Variants in NEK1 observed in about 807,000 individuals in gnomAD.
NEK1 encodes NIMA related kinase 1, also known as serine/threonine-protein kinase Nek1.
NEK1 carries 137 observed loss-of-function variants against 182.1 expected under a neutral mutation model. The observed-to-expected ratio is 0.75, with a 90% CI of 0.65 to 0.87. The LOEUF (loss-of-function observed/expected upper bound fraction) is 0.87, where lower values mean the gene tolerates loss of function less well. NEK1 is among the 40% of genes least tolerant of loss of function. The pLI, the probability that NEK1 is intolerant of heterozygous loss-of-function variation, is 0.00. For synonymous variants in NEK1, 513 were observed against 492.2 expected, an observed-to-expected ratio of 1.04 and a Z score of -0.56; for missense variants, 1,391 against 1,494.4, an observed-to-expected ratio of 0.93 and a Z score of 1.14.
chr4:169,551,709 A>G (rs979229267), intron 18 of NEK1, among the ~76,000 whole-genome samples: 1 of 151,864 alleles, frequency 6.6e-6, no homozygotes, highest in Admixed American at 6.6e-5. Context: ...ATTTGGAATT[A>G]TTTTCTTTCC....
chr4:169,525,291 G>A (rs1442505831), intron 19 of NEK1, among the ~76,000 whole-genome samples: 1 of 151,974 alleles, frequency 6.6e-6, no homozygotes, highest in African/African-American at 2.4e-5. Context: ...ACCATGCCCA[G>A]CTAATTTTTT....
rs200710438 is a variant in NEK1, at chr4:169,401,668, G to A, written c.3567C>T (p.Asn1189=). 666 of 1,613,624 alleles carry A rather than the reference G, an allele frequency of 4.1e-4. No homozygotes were observed. Among genetic ancestry groups the A allele is most frequent in the Middle Eastern group, 6.6e-4 (4 of 6,062 alleles). Residue 1189 remains asparagine, a synonymous_variant, in exon 33 of 36, where the codon AAC becomes AAT. Transcript: ENST00000507142. ...DDNPSSESAL[N]EEWHSDNSDG... ...ATCATGCACCTGAGTGCCATTCTTCGTTCAGGGCACTTTCACTGCTGGGAT... is the reference window on the plus strand; with the variant it reads ...ATCATGCACCTGAGTGCCATTCTTCATTCAGGGCACTTTCACTGCTGGGAT...
intron 32 of NEK1, among the ~76,000 whole-genome samples, chr4:169,402,427 G>C (rs1731844259): frequency 6.6e-6 from 1 of 152,148 alleles, no homozygotes; most frequent in African/African-American, 2.4e-5. Flanking sequence ...ATGGTCACCA[G>C]AAATCTTATC....
rs151002989 is a variant in NEK1 at position 169,551,677 on chromosome 4, A to G, written c.1562+4043T>C. Among the ~76,000 whole-genome samples the G allele has an allele frequency of 5.0e-3, 757 of 152,294 alleles. 5 individuals are homozygous for G. The highest frequency in any genetic ancestry group is 0.018 in the African/African-American group (733 of 41,576). Reference sequence around the variant, plus strand: ...AAGAAAATTAACCAAAGTCTTCATCAGCAGTGACCACCACTATAGGGATTT... The same window carrying G: ...AAGAAAATTAACCAAAGTCTTCATCGGCAGTGACCACCACTATAGGGATTT... On this transcript the variant is annotated intron_variant, in intron 18 of 35. Transcript: ENST00000507142.
At chr4:169,450,279 C>A (rs1488854151) in intron 27 of NEK1, among the ~76,000 whole-genome samples, 1 of 152,150 alleles carries the variant, frequency 6.6e-6, no homozygotes, top group African/African-American at 2.4e-5. Flanking sequence ...AGGAGAACTT[C>A]CCCAACCTGG....
chr4:169,558,048 C>T (rs1040467505), intron 16 of NEK1, among the ~76,000 whole-genome samples: 1 of 152,122 alleles, frequency 6.6e-6, no homozygotes, highest in Non-Finnish European at 1.5e-5. Flanking sequence ...TCAAGGTGGT[C>T]CTTACATACA....
intron 5 of NEK1, among the ~76,000 whole-genome samples, chr4:169,592,461 T>G (rs1451727332): frequency 6.6e-6 from 1 of 152,162 alleles, no homozygotes; most frequent in Admixed American, 6.5e-5. Context: ...CAAAACAGTA[T>G]GCATAGTATA....
chr4:169,394,623 G>T, intron 35 of NEK1, 100 bp from the exon 36 acceptor site: 1 of 649,070 alleles, frequency 1.5e-6, no homozygotes. Context: ...GAGCTTTAAT[G>T]TAGTTTTAAA....
At chr4:169,483,635 G>C (rs1022911484) in intron 23 of NEK1, among the ~76,000 whole-genome samples, 7 of 152,142 alleles carry the variant, frequency 4.6e-5, no homozygotes, top group Non-Finnish European at 8.8e-5. Flanking sequence ...GGGAGGCCAA[G>C]GCGGGTGGAT....
In NEK1 at chr4:169,427,276, G is replaced by A. The variant is rs1041254825; in HGVS notation, c.2886-1042C>T. Reference sequence around the variant, plus strand: ...CGAGTAGCTGGGACTACAGGAGCCCGCCACCATGCCCGGCTAATTTTTTAT... The same window carrying A: ...CGAGTAGCTGGGACTACAGGAGCCCACCACCATGCCCGGCTAATTTTTTAT... On this transcript the variant is annotated intron_variant, in intron 29 of 35. Transcript: ENST00000507142. 7.9e-5 allele frequency among the ~76,000 whole-genome samples: 12 copies of A among 151,664 alleles called. No homozygotes were observed. The East Asian group carries it at 9.7e-4, about 12-fold the overall frequency.
At chr4:169,455,962 A>G (rs139078428) in intron 27 of NEK1, among the ~76,000 whole-genome samples, 383 of 152,322 alleles carry the variant, frequency 2.5e-3, no homozygotes, top group African/African-American at 9.0e-3. Flanking sequence ...CATATGTTAG[A>G]TCACAAAACA....
chr4:169,535,401 A>C (rs150382662), intron 19 of NEK1, among the ~76,000 whole-genome samples: 85 of 152,244 alleles, frequency 5.6e-4, no homozygotes, highest in African/African-American at 2.0e-3. Context: ...GACACAGCAG[A>C]AGATTAATGC....
intron 22 of NEK1, 47 bp from the exon 23 acceptor site, chr4:169,507,179 A>AT: frequency 1.0e-6 from 1 of 985,082 alleles, no homozygotes; most frequent in South Asian, 1.7e-5. Flanking sequence ...AAAGAAGGGC[A>AT]GAGGTTTTTT....
intron 9 of NEK1, among the ~76,000 whole-genome samples, 157 bp downstream of exon 9, chr4:169,587,402 T>C (rs1336479933): frequency 1.3e-5 from 2 of 151,892 alleles, no homozygotes; most frequent in African/African-American, 2.4e-5. Context: ...GGGAAATCGA[T>C]TTATACTTCA....
At chr4:169,550,226 T>C (rs1761209475) in intron 18 of NEK1, among the ~76,000 whole-genome samples, 1 of 148,820 alleles carries the variant, frequency 6.7e-6, no homozygotes, top group Middle Eastern at 3.4e-3. Flanking sequence ...CTACACATGC[T>C]CTCTCTCTTG....
At chr4:169,476,133 T>C (rs1746902900) in intron 26 of NEK1, among the ~76,000 whole-genome samples, 1 of 152,084 alleles carries the variant, frequency 6.6e-6, no homozygotes, top group Admixed American at 6.6e-5. Context: ...ACCAAGGCAC[T>C]TTACAATCAT....
At chr4:169,513,442 G>T (rs1413114197) in intron 19 of NEK1, among the ~76,000 whole-genome samples, 1 of 152,086 alleles carries the variant, frequency 6.6e-6, no homozygotes, top group Non-Finnish European at 1.5e-5. Flanking sequence ...CAACTATAAT[G>T]AATTCACTTT....
At chr4:169,590,399 A>G (rs1768262722) in intron 6 of NEK1, among the ~76,000 whole-genome samples, 1 of 152,122 alleles carries the variant, frequency 6.6e-6, no homozygotes, top group South Asian at 2.1e-4. Context: ...AATGTCCAGA[A>G]TAGGCCAATC....
intron 12 of NEK1, among the ~76,000 whole-genome samples, chr4:169,566,345 C>T (rs10520155): frequency 0.071 from 10,846 of 152,096 alleles, 1,268 homozygotes; most frequent in African/African-American, 0.25. Context: ...CTAAGCTGTT[C>T]CTCTAAGATC....
Sources: gnomAD v4.1 joint callset for allele counts (sites outside exome capture counted in the v4.1 genomes callset) on GRCh38, gnomAD v4.1.1 for gene constraint, MANE v1.5 for transcripts, NCBI Gene and HGNC (gene_info 2026-07-23, HGNC 2026-07-21) for gene names.